The following SETX variants were observed in gnomAD, a reference collection of about 807,000 sequenced individuals.
SETX encodes senataxin.
SETX carries 90 observed loss-of-function variants against 227.2 expected under a neutral mutation model. The observed-to-expected ratio is 0.40, with a 90% CI of 0.33 to 0.47. The LOEUF is 0.47. SETX is among the 20% of genes least tolerant of loss of function. SETX has a pLI of 0.91. For missense variants in SETX, 3,052 were observed against 3,181.5 expected (o/e 0.96, Z 0.98); for synonymous variants, 1,210 against 1,113.2 (o/e 1.09, Z -1.73).
intron 5 of SETX, among the ~76,000 whole-genome samples, chr9:132,337,808 T>C (rs1364448813): frequency 2.0e-5 from 3 of 152,190 alleles, no homozygotes; most frequent in Non-Finnish European, 4.4e-5. Flanking sequence ...CAAGACACAT[T>C]AATGAATGCT....
rs562624840 is a variant in SETX at position 132,272,889 on chromosome 9, C to T, written c.7101-1081G>A. Among the ~76,000 whole-genome samples, 8 of 152,008 alleles carry T rather than the reference C, an allele frequency of 5.3e-5. No individual in the cohort carries two copies. In the East Asian group the frequency reaches 1.2e-3, roughly 22 times the overall value. On this transcript the variant is annotated intron_variant, in intron 23 of 25. Coordinates refer to ENST00000224140, the MANE Select transcript of SETX (RefSeq NM_015046.7). ...TATTTACTTAGTGTTAAGGTGGCAGCGCTCCCCAAATTGATCTACAGATGT... is the reference window on the plus strand; with the variant it reads ...TATTTACTTAGTGTTAAGGTGGCAGTGCTCCCCAAATTGATCTACAGATGT...
intron 10 of SETX, among the ~76,000 whole-genome samples, chr9:132,321,720 C>T (rs1254101421): frequency 1.4e-5 from 2 of 147,928 alleles, no homozygotes; most frequent in Non-Finnish European, 3.0e-5. Flanking sequence ...TGGTGGTGTG[C>T]ACCTGTAGTC....
At chr9:132,286,737 G>A (rs1027382816) in intron 17 of SETX, among the ~76,000 whole-genome samples, 2 of 152,168 alleles carry the variant, frequency 1.3e-5, no homozygotes, top group Non-Finnish European at 1.5e-5. Flanking sequence ...GGAGCATCAC[G>A]CCACCCTTAA....
chr9:132,302,174 G>A lies in SETX; in HGVS notation c.5375-1371C>T, dbSNP rs183143264. Among the ~76,000 whole-genome samples the A allele has an allele frequency of 1.8e-4, 27 of 151,630 alleles. No homozygotes were observed. In the East Asian group the frequency reaches 4.3e-3, roughly 24 times the overall value. On this transcript the variant is annotated intron_variant, in intron 11 of 25. Transcript: ENST00000224140. ...AGATCGAGAACATCCTGGCCAACAC[G>A]GTGAAACCCCGTCTCTACTAAAAAT...
intron 3 of SETX, among the ~76,000 whole-genome samples, chr9:132,347,389 C>G (rs1201779912): frequency 6.6e-6 from 1 of 151,664 alleles, no homozygotes; most frequent in Non-Finnish European, 1.5e-5. Context: ...CTCAGCTCAC[C>G]GCAACCTTGG....
At chr9:132,312,307 A>G (rs3813393) in intron 10 of SETX, among the ~76,000 whole-genome samples, 6 of 152,098 alleles carry the variant, frequency 3.9e-5, no homozygotes, top group Non-Finnish European at 1.5e-5. Flanking sequence ...TCATCCTGCC[A>G]GTTTATAAAA....
chr9:132,311,733 C>G, intron 11 of SETX, 24 bp downstream of exon 11: 1 of 1,472,614 alleles, frequency 6.8e-7, no homozygotes, highest in African/African-American at 1.4e-5. Flanking sequence ...TCATATATTC[C>G]AAGTTGCGTA....
chr9:132,334,922 C>T (rs1174291717), intron 6 of SETX, among the ~76,000 whole-genome samples, 195 bp from the exon 7 acceptor site: 2 of 152,056 alleles, frequency 1.3e-5, no homozygotes, highest in Non-Finnish European at 2.9e-5. Flanking sequence ...TGTGAAAGTA[C>T]AAGATGGTTA....
chr9:132,351,296 A>G (rs1727321259), intron 2 of SETX, among the ~76,000 whole-genome samples: 1 of 152,236 alleles, frequency 6.6e-6, no homozygotes, highest in Admixed American at 6.5e-5. Context: ...AGCTTTAAAA[A>G]ACTTAAGTGA....
rs1157691529 is a variant in SETX at position 132,335,390 on chromosome 9, CAAAAAAAAAAAA to C, written c.719-675_719-664del. 2.2e-3 allele frequency among the ~76,000 whole-genome samples: 113 copies of C among 52,018 alleles called. 3 individuals carry two copies. The highest frequency in any genetic ancestry group is 8.9e-3 in the African/African-American group (112 of 12,616). The allele number at this position is 52,018 out of a possible 152,430, so 34.1% of individuals were successfully genotyped here. On this transcript the variant is annotated intron_variant, in intron 6 of 25. Transcript: ENST00000224140. ...TGGGCGACAGAGCAAGACTCCGTCT[CAAAAAAAAAAAA>C]AAAAAAAAAAAAAAGTATTTTGAGC... is the stretch of plus-strand genomic sequence containing the variant.
chr9:132,284,794 G>C (rs1168456506), intron 18 of SETX, among the ~76,000 whole-genome samples: 2 of 151,902 alleles, frequency 1.3e-5, no homozygotes, highest in Non-Finnish European at 2.9e-5. Context: ...AGCTCTGGAG[G>C]GCTCACAGTT....
chr9:132,264,316 T>C lies in SETX; in HGVS notation c.7957A>G (p.Thr2653Ala), dbSNP rs1842517067. 1 of 1,614,190 alleles carries C rather than the reference T, an allele frequency of 6.2e-7. No homozygotes were observed. Among genetic ancestry groups the C allele is most frequent in the Non-Finnish European group, 8.5e-7 (1 of 1,180,016 alleles). The change falls in exon 26 of 26, where the codon ACC (threonine) becomes GCC (alanine). Residue 2653 changes from threonine to alanine, a missense_variant. By Grantham distance (58) the Thr-to-Ala change is moderately conservative. Transcript: ENST00000224140. ...QEKCGSETHHTRRNSRWDKRT... is the reference protein window; with the variant it reads ...QEKCGSETHHARRNSRWDKRT... ...TTGTCCCACCTAGAGTTCCTCCTGG[T>C]GTGATGGGTCTCGGAACCACACTTC...
At chr9:132,334,463 A>G in intron 7 of SETX, 145 bp downstream of exon 7, 1 of 948,270 alleles carries the variant, frequency 1.1e-6, no homozygotes, top group Non-Finnish European at 1.6e-6. Context: ...AACAAAACAA[A>G]ACAAAATAAA....
intron 20 of SETX, among the ~76,000 whole-genome samples, chr9:132,279,232 G>A (rs1023420651): frequency 2.0e-5 from 3 of 151,918 alleles, no homozygotes; most frequent in African/African-American, 7.3e-5. Context: ...TGTGCCTTGG[G>A]ATCTACTTTC....
intron 22 of SETX, 70 bp downstream of exon 22, chr9:132,276,990 C>T: frequency 7.5e-7 from 1 of 1,327,746 alleles, no homozygotes; most frequent in East Asian, 2.3e-5. Flanking sequence ...ATGTATTTAA[C>T]AGAAATATGA....
At chr9:132,348,887 C>G (rs901872684) in intron 3 of SETX, among the ~76,000 whole-genome samples, 4 of 152,080 alleles carry the variant, frequency 2.6e-5, no homozygotes, top group Non-Finnish European at 5.9e-5. Flanking sequence ...GTGATCGCAC[C>G]ACTGCACTTC....
chr9:132,293,158 C>T (rs11243716), intron 15 of SETX, among the ~76,000 whole-genome samples: 8,519 of 152,066 alleles, frequency 0.056, 371 homozygotes, highest in East Asian at 0.25. Flanking sequence ...TATAATTTAC[C>T]ATATTAACAG....
intron 4 of SETX, 135 bp downstream of exon 4, chr9:132,346,126 G>GA (rs927871687): frequency 2.3e-5 from 17 of 732,068 alleles, no homozygotes; most frequent in South Asian, 8.6e-5. Context: ...AAAAACGTTG[G>GA]AAAAAAAATG....
intron 15 of SETX, among the ~76,000 whole-genome samples, chr9:132,295,367 A>T (rs1358576900): frequency 1.3e-5 from 2 of 152,176 alleles, no homozygotes; most frequent in Non-Finnish European, 2.9e-5. Flanking sequence ...TGTTTTCAAT[A>T]AGCTTGTGCT....
Sources: allele counts gnomAD v4.1 joint callset (sites outside exome capture counted in the v4.1 genomes callset), GRCh38; gene constraint gnomAD v4.1.1; transcripts MANE v1.5; gene names NCBI Gene and HGNC (gene_info 2026-07-23, HGNC 2026-07-21).